Variants in SCAI observed in about 807,000 individuals in gnomAD.
SCAI encodes the protein suppressor of cancer cell invasion, also known as protein SCAI.
Under a neutral mutation model 92.2 loss-of-function variants are expected in SCAI, and 24 were observed. The ratio of observed to expected loss-of-function variants is 0.26; its 90% CI spans 0.19 to 0.37. SCAI has a LOEUF of 0.37. Among genes scored for constraint, SCAI ranks in the 10% least tolerant of loss-of-function variants. The pLI, the probability that SCAI is intolerant of heterozygous loss-of-function variation, is 1.00. For synonymous variants in SCAI, 261 were observed against 258.6 expected, an observed-to-expected ratio of 1.01 and a Z score of -0.09; for missense variants, 450 against 736.2, an observed-to-expected ratio of 0.61 and a Z score of 4.50.
At chr9:125,004,170 T>A (rs565360455) in intron 9 of SCAI, among the ~76,000 whole-genome samples, 6 of 152,076 alleles carry the variant, frequency 3.9e-5, no homozygotes, top group Non-Finnish European at 5.9e-5. Flanking sequence ...AGAAAGACTC[T>A]GTCTCAAAAA....
In SCAI at chr9:124,975,924, G is replaced by A. The variant is rs556836660; in HGVS notation, c.1399+190C>T. On this transcript the variant is annotated intron_variant, in intron 15 of 17. Transcript: ENST00000336505. ...GGGATGAATTATTTCAAGGCCTAACGGTAGCACATTAAGGGATCCTGGTTG... is the reference window on the plus strand; with the variant it reads ...GGGATGAATTATTTCAAGGCCTAACAGTAGCACATTAAGGGATCCTGGTTG... 5.9e-5 allele frequency among the ~76,000 whole-genome samples: 9 copies of A among 152,170 alleles called. No homozygotes were observed. In the East Asian group the frequency reaches 7.7e-4, roughly 13 times the overall value.
chr9:125,077,012 T>C (rs1834104250), intron 2 of SCAI, among the ~76,000 whole-genome samples: 1 of 152,078 alleles, frequency 6.6e-6, no homozygotes. Flanking sequence ...GAAACTCCAT[T>C]TTTCTACAAA....
chr9:125,112,116 T>A (rs1228884888), intron 2 of SCAI, among the ~76,000 whole-genome samples: 1 of 152,158 alleles, frequency 6.6e-6, no homozygotes, highest in Non-Finnish European at 1.5e-5. Flanking sequence ...AAAAACCTTA[T>A]AATTCCCTGG....
chr9:125,125,869 C>G (rs1835255241), intron 2 of SCAI, among the ~76,000 whole-genome samples: 1 of 149,862 alleles, frequency 6.7e-6, no homozygotes, highest in Admixed American at 6.7e-5. Flanking sequence ...TTCCAAAACA[C>G]ACACACATAT....
chr9:125,007,918 T>G (rs537094897), intron 9 of SCAI, among the ~76,000 whole-genome samples: 8 of 152,072 alleles, frequency 5.3e-5, no homozygotes, highest in Admixed American at 3.3e-4. Context: ...TGATCTCTGC[T>G]CACCGTAAGC....
rs1311978532 is a variant in SCAI, at chr9:124,952,790, A to T, written c.*17T>A. On this transcript the variant is annotated 3_prime_UTR_variant, in exon 18 of 18. Transcript: ENST00000336505. ...TTGTGGAAAATGAAAACTTGTTTCGACAACAGGGTTTTTGTTTTAATAGTC... is the reference window on the plus strand; with the variant it reads ...TTGTGGAAAATGAAAACTTGTTTCGTCAACAGGGTTTTTGTTTTAATAGTC... 1 of 1,597,882 alleles carries T rather than the reference A, an allele frequency of 6.3e-7. No homozygotes were observed. The highest frequency in any genetic ancestry group is 8.5e-7 in the Non-Finnish European group (1 of 1,171,310).
intron 2 of SCAI, among the ~76,000 whole-genome samples, chr9:125,100,536 T>C (rs1834656197): frequency 6.6e-6 from 1 of 152,192 alleles, no homozygotes; most frequent in Non-Finnish European, 1.5e-5. Flanking sequence ...CAACAATCAT[T>C]CATTAAAGGC....
At chr9:125,095,678 G>T (rs1287028595) in intron 2 of SCAI, among the ~76,000 whole-genome samples, 1 of 152,212 alleles carries the variant, frequency 6.6e-6, no homozygotes, top group African/African-American at 2.4e-5. Context: ...GTCCTTAGAG[G>T]AATTAATGTG....
At chr9:125,066,113 C>T (rs1045620741) in intron 2 of SCAI, 2 of 671,946 alleles carry the variant, frequency 3.0e-6, no homozygotes, top group Middle Eastern at 2.6e-4. Context: ...ATTATTTGTA[C>T]ATAACATGAA....
intron 2 of SCAI, among the ~76,000 whole-genome samples, chr9:125,094,450 T>C (rs1334017707): frequency 6.6e-6 from 1 of 152,202 alleles, no homozygotes; most frequent in Non-Finnish European, 1.5e-5. Flanking sequence ...AATCATCTTA[T>C]TGCATTTCTG....
At chr9:125,066,615 C>A (rs1418072955) in intron 2 of SCAI, among the ~76,000 whole-genome samples, 1 of 151,990 alleles carries the variant, frequency 6.6e-6, no homozygotes, top group Non-Finnish European at 1.5e-5. Flanking sequence ...GCCACCGCGC[C>A]CGGCTAATTT....
At chr9:125,058,749 C>T (rs566017491) in intron 2 of SCAI, among the ~76,000 whole-genome samples, 1 of 152,258 alleles carries the variant, frequency 6.6e-6, no homozygotes, top group Admixed American at 6.5e-5. Context: ...AACCAGACAT[C>T]TCTGGAGAAT....
At chr9:125,046,120 G>A (rs1024206547) in intron 3 of SCAI, among the ~76,000 whole-genome samples, 2 of 140,654 alleles carry the variant, frequency 1.4e-5, no homozygotes, top group African/African-American at 5.3e-5. Context: ...TGGTTATAAT[G>A]GCACAATTTG....
intron 2 of SCAI, among the ~76,000 whole-genome samples, chr9:125,114,763 C>A (rs549887268): frequency 1.4e-5 from 2 of 140,866 alleles, no homozygotes; most frequent in Admixed American, 1.5e-4. Context: ...TGTCACCACA[C>A]CCGGCTTTTT....
intron 2 of SCAI, among the ~76,000 whole-genome samples, chr9:125,139,857 A>G (rs888739321): frequency 6.6e-6 from 1 of 151,868 alleles, no homozygotes; most frequent in African/African-American, 2.4e-5. Flanking sequence ...GCTATCCAAA[A>G]GAAATACAAT....
chr9:125,005,558 T>C (rs962987144), intron 9 of SCAI, among the ~76,000 whole-genome samples: 1 of 151,926 alleles, frequency 6.6e-6, no homozygotes, highest in African/African-American at 2.4e-5. Flanking sequence ...CTTGAACTCC[T>C]GACCTCAGAT....
intron 3 of SCAI, among the ~76,000 whole-genome samples, chr9:125,042,644 C>CAT (rs1833344901): frequency 1.1e-5 from 1 of 90,668 alleles, no homozygotes; most frequent in Non-Finnish European, 2.3e-5. Context: ...TACACACACA[C>CAT]ACACACACAC....
intron 14 of SCAI, among the ~76,000 whole-genome samples, chr9:124,980,375 C>T (rs1393681072): frequency 1.3e-5 from 2 of 151,960 alleles, no homozygotes; most frequent in Non-Finnish European, 2.9e-5. Context: ...AGACTGCCAT[C>T]CTTCGAAAGT....
intron 2 of SCAI, among the ~76,000 whole-genome samples, chr9:125,093,422 T>G (rs769017785): frequency 2.0e-5 from 3 of 152,160 alleles, no homozygotes; most frequent in Non-Finnish European, 4.4e-5. Flanking sequence ...AAGTTTCCAC[T>G]GATGGTTCAC....
Sources: allele counts gnomAD v4.1 joint callset (sites outside exome capture counted in the v4.1 genomes callset), GRCh38; gene constraint gnomAD v4.1.1; transcripts MANE v1.5; gene names NCBI Gene and HGNC (gene_info 2026-07-23, HGNC 2026-07-21).